Variants in FGF14 observed in about 807,000 individuals in gnomAD.
The protein encoded by FGF14 is fibroblast growth factor 14, also known as fibroblast growth factor homologous factor 4.
Under a neutral mutation model 25.5 loss-of-function variants are expected in FGF14, and 5 were observed. The ratio of observed to expected loss-of-function variants is 0.20; its 90% CI spans 0.10 to 0.41. The LOEUF (loss-of-function observed/expected upper bound fraction) is 0.41, where lower values mean the gene tolerates loss of function less well. Ranked by LOEUF, FGF14 falls within the 10% of genes least tolerant of loss-of-function variation. The pLI is 1.00. For synonymous variants in FGF14, 138 were observed against 118.3 expected (o/e 1.17, Z -1.08); for missense variants, 222 against 320.1 (o/e 0.69, Z 2.34).
intron 1 of FGF14, among the ~76,000 whole-genome samples, chr13:102,069,585 C>T (rs553143537): frequency 2.0e-5 from 3 of 152,076 alleles, no homozygotes; most frequent in Admixed American, 1.3e-4. Context: ...AGACCACAAG[C>T]CCACCGGGAG....
At chr13:102,180,820 A>G (rs1031996317) in intron 1 of FGF14, among the ~76,000 whole-genome samples, 1 of 152,184 alleles carries the variant, frequency 6.6e-6, no homozygotes, top group Non-Finnish European at 1.5e-5. Context: ...AAATAAATCA[A>G]GGATATAGAT....
chr13:102,093,686 C>T (rs753834557), intron 1 of FGF14, among the ~76,000 whole-genome samples: 2 of 151,948 alleles, frequency 1.3e-5, no homozygotes, highest in Non-Finnish European at 2.9e-5. Flanking sequence ...TGGAAATGCT[C>T]TTAAGAAGCA....
chr13:102,393,532 C>T (rs1054627884), intron 1 of FGF14, among the ~76,000 whole-genome samples: 2 of 151,922 alleles, frequency 1.3e-5, no homozygotes, highest in Admixed American at 6.6e-5. Flanking sequence ...AGATTTTTCC[C>T]AATAGCATGG....
chr13:101,727,924 TTTTC>T (rs1376849081), intron 3 of FGF14, among the ~76,000 whole-genome samples: 1 of 152,152 alleles, frequency 6.6e-6, no homozygotes, highest in African/African-American at 2.4e-5. Flanking sequence ...AAGTTTTCAT[TTTTC>T]TTTAATAGAT....
chr13:101,886,751 G>C (rs1007757655), intron 1 of FGF14, among the ~76,000 whole-genome samples: 3 of 151,970 alleles, frequency 2.0e-5, no homozygotes, highest in South Asian at 4.1e-4. Context: ...CAACAGAATG[G>C]AGACACAACC....
intron 1 of FGF14, among the ~76,000 whole-genome samples, chr13:102,155,382 T>C (rs1411962009): frequency 1.3e-5 from 2 of 152,290 alleles, no homozygotes; most frequent in Non-Finnish European, 2.9e-5. Flanking sequence ...CTCAATTACA[T>C]GGAAACTGAA....
chr13:102,189,028 A>AG (rs1566797156), intron 1 of FGF14, among the ~76,000 whole-genome samples: 82 of 79,266 alleles, frequency 1.0e-3, no homozygotes, highest in Middle Eastern at 8.3e-3. Context: ...GAAAGAAGAA[A>AG]AGAAAGAAAG....
At chr13:102,154,022 G>C (rs2047204976) in intron 1 of FGF14, among the ~76,000 whole-genome samples, 2 of 152,068 alleles carry the variant, frequency 1.3e-5, no homozygotes, top group African/African-American at 2.4e-5. Context: ...CTTTGTCTCT[G>C]GGTTATCCAA....
At chr13:102,375,713 C>T (rs1237461608) in intron 1 of FGF14, among the ~76,000 whole-genome samples, 1 of 151,992 alleles carries the variant, frequency 6.6e-6, no homozygotes, top group East Asian at 1.9e-4. Context: ...CAAGAAAAAA[C>T]AATTCTAGTC....
chr13:101,752,753 G>A (rs1380803692), intron 3 of FGF14, among the ~76,000 whole-genome samples: 2 of 152,036 alleles, frequency 1.3e-5, no homozygotes, highest in East Asian at 3.9e-4. Flanking sequence ...TATTGATGAC[G>A]TTCTCGCACA....
At chr13:102,053,666 AAAT>A (rs1233487124) in intron 1 of FGF14, among the ~76,000 whole-genome samples, 1 of 152,136 alleles carries the variant, frequency 6.6e-6, no homozygotes, top group Non-Finnish European at 1.5e-5. Context: ...ACTGCTTTAT[AAAT>A]GTTTAAGTCT....
chr13:102,172,071 C>A (rs1317254519), intron 1 of FGF14, among the ~76,000 whole-genome samples: 2 of 151,834 alleles, frequency 1.3e-5, no homozygotes, highest in Non-Finnish European at 2.9e-5. Context: ...CTCACGTGAT[C>A]CTCCTCCCTC....
chr13:101,756,788 A>T (rs1428831688), intron 3 of FGF14, among the ~76,000 whole-genome samples: 2 of 152,162 alleles, frequency 1.3e-5, no homozygotes, highest in African/African-American at 4.8e-5. Context: ...CTGTCCTAGA[A>T]AAGAAGCAAA....
intron 1 of FGF14, among the ~76,000 whole-genome samples, chr13:102,017,638 A>G (rs1347882922): frequency 6.6e-6 from 1 of 152,170 alleles, no homozygotes; most frequent in Non-Finnish European, 1.5e-5. Flanking sequence ...AGCACTGACA[A>G]TCTCAAGACT....
intron 1 of FGF14, among the ~76,000 whole-genome samples, chr13:102,069,621 C>T (rs575099141): frequency 8.6e-5 from 13 of 151,878 alleles, no homozygotes; most frequent in Admixed American, 7.2e-4. Context: ...GATGCTCTGC[C>T]TTAAGAGCTG....
At chr13:102,082,909 G>C (rs1046815338) in intron 1 of FGF14, among the ~76,000 whole-genome samples, 4 of 151,984 alleles carry the variant, frequency 2.6e-5, no homozygotes, top group African/African-American at 9.7e-5. Context: ...AGTGAGCCGA[G>C]ATCCCGCCAC....
At chr13:101,831,950 T>C (rs1014119032) in intron 3 of FGF14, among the ~76,000 whole-genome samples, 3 of 152,076 alleles carry the variant, frequency 2.0e-5, no homozygotes, top group African/African-American at 7.2e-5. Context: ...GAATGAATAA[T>C]GGCCACCAAA....
chr13:101,719,891 T>A lies in FGF14; in HGVS notation c.*2940A>T, dbSNP rs1193313138. On this transcript the variant is annotated 3_prime_UTR_variant, in exon 5 of 5. Transcript: ENST00000376143. ...AGGGGAAAAAAATGGCGAAGTCTTA[T>A]CCCAAACAAATAGCAAGAGAGGTAT... The A allele has an allele frequency of 6.6e-6, 1 of 152,176 alleles. No homozygotes were observed. The highest frequency in any genetic ancestry group is 1.9e-4 in the East Asian group (1 of 5,158). 9.4% of individuals were successfully genotyped at this position (152,176 alleles called of 1,614,324 possible). A position where few individuals can be genotyped will look rare whatever the true frequency, so the allele number is the denominator to read the frequency against.
chr13:102,347,464 C>G (rs1022809174), intron 1 of FGF14, among the ~76,000 whole-genome samples: 10 of 152,110 alleles, frequency 6.6e-5, no homozygotes, highest in Admixed American at 3.9e-4. Context: ...TGACACCTGA[C>G]ACATCATCAG....
Sources: allele counts gnomAD v4.1 joint callset (sites outside exome capture counted in the v4.1 genomes callset), GRCh38; gene constraint gnomAD v4.1.1; transcripts MANE v1.5; gene names NCBI Gene and HGNC (gene_info 2026-07-23, HGNC 2026-07-21).